Variants in ITSN1 observed in about 807,000 individuals in gnomAD.
The protein encoded by ITSN1 is intersectin 1.
A neutral mutation model predicts 239.8 loss-of-function variants in ITSN1; 58 were observed. The observed-to-expected ratio is 0.24, with a 90% CI of 0.20 to 0.30. The LOEUF is 0.30. ITSN1 is among the 10% of genes least tolerant of loss of function. ITSN1 has a pLI of 1.00. For synonymous variants in ITSN1, 780 were observed against 770.8 expected (o/e 1.01, Z -0.20); for missense variants, 1,558 against 2,103.3 (o/e 0.74, Z 5.07).
intron 8 of ITSN1, among the ~76,000 whole-genome samples, chr21:33,761,645 A>G (rs2068334770): frequency 6.6e-6 from 1 of 152,212 alleles, no homozygotes; most frequent in South Asian, 2.1e-4. Flanking sequence ...AGGTCAGGTT[A>G]TATTTTGAAA....
intron 1 of ITSN1, among the ~76,000 whole-genome samples, chr21:33,689,967 CAA>C (rs577023412): frequency 1.5e-4 from 16 of 104,112 alleles, no homozygotes; most frequent in Middle Eastern, 0.012. Context: ...GACTCTGTCT[CAA>C]AAAAAAAAAA....
chr21:33,898,321 T>C lies in ITSN1; in HGVS notation c.*10021T>C, dbSNP rs955573351. ...TTCAACTGTTGCATAGCCAGGTGGG[T>C]GGATGGATGGTTTAGGGTTTCTGAG... On this transcript the variant is annotated 3_prime_UTR_variant, in exon 40 of 40. Transcript: ENST00000381318. 2.0e-5 allele frequency: 3 copies of C among 152,100 alleles called. No individual in the cohort carries two copies. The highest frequency in any genetic ancestry group is 4.4e-5 in the Non-Finnish European group (3 of 68,026). 9.4% of individuals were successfully genotyped at this position (152,100 alleles called of 1,614,324 possible). A position where few individuals can be genotyped will look rare whatever the true frequency, so the allele number is the denominator to read the frequency against.
In ITSN1 at chr21:33,690,786, T is replaced by C. The variant is rs1278899217; in HGVS notation, c.-32-28011T>C. On this transcript the variant is annotated intron_variant, in intron 1 of 39. Transcript: ENST00000381318. ...AGAAAAAAAAAAGTGTATATATATA[T>C]ATACATATATATATATATATATATA... Among the ~76,000 whole-genome samples, 3 of 8,794 alleles carry C rather than the reference T, an allele frequency of 3.4e-4. 1 individual carries two copies. Among genetic ancestry groups the C allele is most frequent in the East Asian group, 2.3e-3 (3 of 1,308 alleles). The allele number at this position is 8,794 out of a possible 152,430, so 5.8% of individuals were successfully genotyped here. A position where few individuals can be genotyped will look rare whatever the true frequency, so the allele number is the denominator to read the frequency against.
rs957095407 is a variant in ITSN1 at position 33,708,575 on chromosome 21, C to G, written c.-32-10222C>G. Among the ~76,000 whole-genome samples, 282 of 152,136 alleles carry G rather than the reference C, an allele frequency of 1.9e-3. 2 individuals carry two copies. Among genetic ancestry groups the G allele is most frequent in the African/African-American group, 6.3e-3 (262 of 41,506 alleles). ...GCTAATTTTGTATTTTTAGTAGAGA[C>G]GGGTTTCTCCATGTTGGTCAGGCTG... is the stretch of plus-strand genomic sequence containing the variant. On this transcript the variant is annotated intron_variant, in intron 1 of 39. Coordinates refer to ENST00000381318, the MANE Select transcript of ITSN1 (RefSeq NM_003024.3).
intron 21 of ITSN1, 68 bp from the exon 22 acceptor site, chr21:33,813,845 T>G (rs2073086945): frequency 2.8e-6 from 4 of 1,424,696 alleles, no homozygotes; most frequent in Middle Eastern, 3.7e-4. Context: ...TTTGGTACTT[T>G]ACTGTGGGTA....
At chr21:33,787,767 G>A (rs533460697) in intron 16 of ITSN1, among the ~76,000 whole-genome samples, 18 of 152,326 alleles carry the variant, frequency 1.2e-4, no homozygotes, top group African/African-American at 4.3e-4. Context: ...GAGACAGTGA[G>A]AGAAATCAGT....
At chr21:33,704,220 G>C (rs545228185) in intron 1 of ITSN1, among the ~76,000 whole-genome samples, 1 of 152,228 alleles carries the variant, frequency 6.6e-6, no homozygotes, top group South Asian at 2.1e-4. Context: ...CTTTTTGTGT[G>C]TAAGAAGTAG....
chr21:33,664,838 A>G (rs1041569767), intron 1 of ITSN1, among the ~76,000 whole-genome samples: 1 of 152,224 alleles, frequency 6.6e-6, no homozygotes, highest in Non-Finnish European at 1.5e-5. Flanking sequence ...AGTTGATTAT[A>G]TGACCTCTCT....
At chr21:33,771,933 C>A in intron 11 of ITSN1, 128 bp from the exon 12 acceptor site, 3 of 1,004,794 alleles carry the variant, frequency 3.0e-6, no homozygotes, top group South Asian at 1.7e-5. Context: ...TTAACAAGGA[C>A]ACAGAAGCTT....
chr21:33,837,185 A>G, intron 29 of ITSN1: 2 of 1,320,204 alleles, frequency 1.5e-6, no homozygotes, highest in South Asian at 2.8e-5. Context: ...TGTGATCGCA[A>G]TGTTTGAGTT....
At chr21:33,704,082 A>G (rs1249022768) in intron 1 of ITSN1, among the ~76,000 whole-genome samples, 1 of 152,170 alleles carries the variant, frequency 6.6e-6, no homozygotes, top group African/African-American at 2.4e-5. Context: ...AAGTCCCCTC[A>G]TAGAGATAGA....
chr21:33,761,944 T>C lies in ITSN1; in HGVS notation c.746T>C (p.Leu249Pro). 1 of 1,613,788 alleles carries C rather than the reference T, an allele frequency of 6.2e-7. No homozygotes were observed. Among genetic ancestry groups the C allele is most frequent in the Non-Finnish European group, 8.5e-7 (1 of 1,179,664 alleles). ...HLTGPQARTI[L>P]MQSSLPQAQL... The stretch of plus-strand genomic sequence containing the variant: ...TTAGGTCCCCAAGCAAGAACTATTC[T>C]TATGCAGTCAAGTTTACCACAGGCT... Residue 249 changes from leucine (L) to proline (P), a missense_variant, in exon 9 of 40, where the codon CTT (leucine) becomes CCT (proline). By Grantham distance (98) the Leu-to-Pro change is moderately conservative. Coordinates refer to ENST00000381318, the MANE Select transcript of ITSN1 (RefSeq NM_003024.3).
chr21:33,721,847 A>T (rs2065504530), intron 3 of ITSN1: 1 of 152,076 alleles, frequency 6.6e-6, no homozygotes, highest in Admixed American at 6.5e-5. Context: ...TTCACTTTAT[A>T]AAAAGTGGAA....
At chr21:33,824,776 A>T (rs2073888002) in intron 25 of ITSN1, among the ~76,000 whole-genome samples, 2 of 152,052 alleles carry the variant, frequency 1.3e-5, no homozygotes, top group Admixed American at 1.3e-4. Flanking sequence ...AAGGGGTGGC[A>T]TTGTTTTGCT....
At chr21:33,645,274 G>A (rs2087831836) in intron 1 of ITSN1, among the ~76,000 whole-genome samples, 1 of 152,112 alleles carries the variant, frequency 6.6e-6, no homozygotes, top group African/African-American at 2.4e-5. Context: ...CTCCTGAATG[G>A]CTCCACTTAA....
intron 1 of ITSN1, among the ~76,000 whole-genome samples, chr21:33,696,731 T>TA (rs943037674): frequency 6.6e-6 from 1 of 152,180 alleles, no homozygotes; most frequent in African/African-American, 2.4e-5. Context: ...TTTTCGGTGT[T>TA]ATGGTGTTAT....
At chr21:33,702,647 T>C (rs1385998560) in intron 1 of ITSN1, among the ~76,000 whole-genome samples, 1 of 152,248 alleles carries the variant, frequency 6.6e-6, no homozygotes, top group Non-Finnish European at 1.5e-5. Flanking sequence ...TGTTTATGTT[T>C]TGTTTTGATT....
chr21:33,834,176 A>G (rs1323246594), intron 27 of ITSN1, 131 bp from the exon 28 acceptor site: 1 of 662,462 alleles, frequency 1.5e-6, no homozygotes, highest in Non-Finnish European at 2.7e-6. Context: ...ATAGTAATCC[A>G]TAGATTTTAC....
At chr21:33,647,796 A>G (rs971482223) in intron 1 of ITSN1, among the ~76,000 whole-genome samples, 1 of 152,192 alleles carries the variant, frequency 6.6e-6, no homozygotes. Context: ...ACACCCAGTC[A>G]TGGATCTCTG....
Sources: gnomAD v4.1 joint callset for allele counts (sites outside exome capture counted in the v4.1 genomes callset) on GRCh38, gnomAD v4.1.1 for gene constraint, MANE v1.5 for transcripts, NCBI Gene and HGNC (gene_info 2026-07-23, HGNC 2026-07-21) for gene names.